Variants in SPATA6 observed in about 807,000 individuals in gnomAD.
The protein encoded by SPATA6 is spermatogenesis-associated protein 6.
A neutral mutation model predicts 65.3 loss-of-function variants in SPATA6; 56 were observed. The observed-to-expected ratio is 0.86, with a 90% CI of 0.69 to 1.07. The LOEUF (loss-of-function observed/expected upper bound fraction) is 1.07, where lower values mean the gene tolerates loss of function less well. SPATA6 is among the 50% of genes least tolerant of loss of function. SPATA6 has a pLI of 0.00. For missense variants in SPATA6, 590 were observed against 594.8 expected (o/e 0.99, Z 0.08); for synonymous variants, 199 against 213.2 (o/e 0.93, Z 0.58).
the SPATA6 span, among the ~76,000 whole-genome samples, chr1:48,279,257 G>A: frequency 1.3e-5 from 2 of 152,190 alleles, no homozygotes; most frequent in Admixed American, 1.3e-4. Flanking sequence ...TCGAGGCTAG[G>A]AAGAAACTGC....
chr1:48,322,469 G>A, intron 11 of SPATA6, among the ~76,000 whole-genome samples: 1 of 152,106 alleles, frequency 6.6e-6, no homozygotes, highest in Non-Finnish European at 1.5e-5. Context: ...AAAAACCCTA[G>A]AGGAAAACCT....
At chr1:48,425,457 A>G (rs1327655616) in intron 3 of SPATA6, among the ~76,000 whole-genome samples, 1 of 152,206 alleles carries the variant, frequency 6.6e-6, no homozygotes, top group Admixed American at 6.5e-5. Flanking sequence ...GTGTATTCAT[A>G]AGAGGAGTGT....
chr1:48,456,265 C>A (rs989563275), intron 1 of SPATA6, among the ~76,000 whole-genome samples: 1 of 152,154 alleles, frequency 6.6e-6, no homozygotes, highest in Non-Finnish European at 1.5e-5. Context: ...TTTAGGAGAA[C>A]ATAAAGCTAA....
At chr1:48,410,787 C>A (rs537119312) in intron 5 of SPATA6, among the ~76,000 whole-genome samples, 2 of 152,118 alleles carry the variant, frequency 1.3e-5, no homozygotes, top group Non-Finnish European at 2.9e-5. Context: ...GAGAACAGCA[C>A]GGGGGAAACC....
chr1:48,367,209 C>A (rs1187315133), intron 9 of SPATA6, among the ~76,000 whole-genome samples: 1 of 152,176 alleles, frequency 6.6e-6, no homozygotes, highest in African/African-American at 2.4e-5. Context: ...GAGTGCTTTA[C>A]TTCCAACTAT....
chr1:48,442,120 T>C (rs1305294887), intron 3 of SPATA6, among the ~76,000 whole-genome samples: 1 of 152,152 alleles, frequency 6.6e-6, no homozygotes, highest in African/African-American at 2.4e-5. Context: ...GGAAGTTCAT[T>C]TGTGGAGAAT....
chr1:48,406,855 G>A (rs1442762310), intron 5 of SPATA6, among the ~76,000 whole-genome samples: 1 of 152,200 alleles, frequency 6.6e-6, no homozygotes, highest in Non-Finnish European at 1.5e-5. Context: ...ATCCATGAAA[G>A]TGCCAGAATT....
At chr1:48,318,218 A>G (rs1347150105) in intron 11 of SPATA6, among the ~76,000 whole-genome samples, 1 of 152,214 alleles carries the variant, frequency 6.6e-6, no homozygotes, top group Non-Finnish European at 1.5e-5. Flanking sequence ...AAGATCAGGA[A>G]TAAAACAAGG....
chr1:48,453,092 T>C lies in SPATA6; in HGVS notation c.91A>G (p.Ile31Val), dbSNP rs1002642508. The change falls in exon 2 of 13, where the codon ATC becomes GTC. Residue 31 changes from isoleucine to valine, a missense_variant. Physicochemically the swap from Ile to Val is conservative, Grantham distance 29 (BLOSUM62 3). Coordinates refer to ENST00000371847, the MANE Select transcript of SPATA6 (RefSeq NM_019073.4). ...PGVVLKDKEDIYLSICVFGQY... is the reference protein window; with the variant it reads ...PGVVLKDKEDVYLSICVFGQY... ...CCAAACACACAGATGCTAAGATAGATGTCCTCTTTGTCTTTAAGCACGACT... is the reference window on the plus strand; with the variant it reads ...CCAAACACACAGATGCTAAGATAGACGTCCTCTTTGTCTTTAAGCACGACT... 8 of 1,613,736 alleles carry C rather than the reference T, an allele frequency of 5.0e-6. No individual in the cohort carries two copies. The Middle Eastern group carries it at 6.6e-4, about 133-fold the overall frequency.
At chr1:48,363,421 C>A (rs1243520566) in intron 9 of SPATA6, among the ~76,000 whole-genome samples, 1 of 152,006 alleles carries the variant, frequency 6.6e-6, no homozygotes, top group Non-Finnish European at 1.5e-5. Context: ...TTTATGAGAC[C>A]CTGAGCAAGT....
chr1:48,264,636 GT>G, the SPATA6 span, among the ~76,000 whole-genome samples: 2 of 152,104 alleles, frequency 1.3e-5, no homozygotes, highest in Non-Finnish European at 1.5e-5. Context: ...TTCTGTTCCT[GT>G]GTTAGTTTGC....
rs571166916 is a variant in SPATA6, at chr1:48,311,527, C to T, written c.1195-5649G>A. Among the ~76,000 whole-genome samples the T allele has an allele frequency of 6.6e-5, 10 of 152,126 alleles. 1 individual carries two copies. Among genetic ancestry groups the T allele is most frequent in the South Asian group, 6.2e-4 (3 of 4,824 alleles). On this transcript the variant is annotated intron_variant, in intron 11 of 12. Transcript: ENST00000371847. ...CAAGAAGAAACAGGAAATCTGAATA[C>T]ACCTATAATAAAGAAAGAGAGTGAA...
chr1:48,468,231 A>G (rs892666026), intron 1 of SPATA6, among the ~76,000 whole-genome samples: 1 of 152,116 alleles, frequency 6.6e-6, no homozygotes. Flanking sequence ...TGTGTACACT[A>G]TTCCGATTTC....
intron 8 of SPATA6, among the ~76,000 whole-genome samples, chr1:48,386,361 T>C (rs1029768810): frequency 6.6e-6 from 1 of 152,260 alleles, no homozygotes; most frequent in African/African-American, 2.4e-5. Context: ...CAACTTATAA[T>C]ATCTGTTACA....
the SPATA6 span, among the ~76,000 whole-genome samples, chr1:48,266,869 C>T: frequency 6.6e-6 from 1 of 152,188 alleles, no homozygotes; most frequent in East Asian, 1.9e-4. Flanking sequence ...ATGTGAGCCA[C>T]TGCTGGACCA....
the SPATA6 span, among the ~76,000 whole-genome samples, chr1:48,277,163 T>C: frequency 6.6e-6 from 1 of 151,916 alleles, no homozygotes; most frequent in African/African-American, 2.4e-5. Flanking sequence ...AAGCTTAGTT[T>C]CGCTGTATAT....
intron 11 of SPATA6, among the ~76,000 whole-genome samples, chr1:48,313,339 T>G (rs1027361627): frequency 1.3e-5 from 2 of 152,166 alleles, no homozygotes; most frequent in Non-Finnish European, 2.9e-5. Context: ...GACTAACAGC[T>G]GATCTCTTGG....
At chr1:48,398,892 A>T (rs1570448488) in intron 7 of SPATA6, among the ~76,000 whole-genome samples, 1 of 152,034 alleles carries the variant, frequency 6.6e-6, no homozygotes, top group Admixed American at 6.6e-5. Context: ...ATTTGCTTTG[A>T]AGATCCATCA....
At chr1:48,344,881 C>G (rs1389228112) in intron 11 of SPATA6, among the ~76,000 whole-genome samples, 1 of 152,078 alleles carries the variant, frequency 6.6e-6, no homozygotes, top group Non-Finnish European at 1.5e-5. Flanking sequence ...AAAGCAAGTT[C>G]TTAGAGGCCT....
Sources: allele counts gnomAD v4.1 joint callset (sites outside exome capture counted in the v4.1 genomes callset), GRCh38; gene constraint gnomAD v4.1.1; transcripts MANE v1.5; gene names NCBI Gene and HGNC (gene_info 2026-07-23, HGNC 2026-07-21).